The following PGLYRP3 variants were observed in gnomAD, a reference collection of about 807,000 sequenced individuals.
PGLYRP3 encodes the protein peptidoglycan recognition protein I alpha.
In PGLYRP3, 39 loss-of-function variants were observed where a neutral mutation model predicts 36.0. The ratio of observed to expected loss-of-function variants is 1.08; its 90% CI spans 0.84 to 1.41. PGLYRP3 has a LOEUF of 1.41. Ranked by LOEUF, PGLYRP3 falls within the 40% of genes most tolerant of loss-of-function variation. The pLI is 0.00. For missense variants in PGLYRP3, 407 were observed against 427.9 expected, an observed-to-expected ratio of 0.95 and a Z score of 0.43; for synonymous variants, 204 against 172.8, an observed-to-expected ratio of 1.18 and a Z score of -1.42.
intron 1 of PGLYRP3, among the ~76,000 whole-genome samples, chr1:153,311,140 C>T (rs1659888485): frequency 6.6e-6 from 1 of 152,026 alleles, no homozygotes. Flanking sequence ...CAAGCAGAAG[C>T]AGGCTTGGCT....
rs35460167 is a variant in PGLYRP3, at chr1:153,299,162, A to G, written c.798T>C (p.Tyr266=). The change falls in exon 7 of 8, where the codon TAT becomes TAC. Residue 266 remains tyrosine (Y), a synonymous_variant. Coordinates refer to ENST00000683862, the MANE Select transcript of PGLYRP3 (RefSeq NM_052891.3). ...VGWHIQGSHT[Y]GFNDIALGIA... is the part of the protein sequence containing the mutation. ...TTCCTAGGGCAATATCGTTGAATCC[A>G]TAAGTGTGAGAGCCTTGGATGTGCC... The G allele has an allele frequency of 2.1e-3, 3,370 of 1,614,166 alleles. 57 individuals are homozygous for G. In the African/African-American group the frequency reaches 0.035, roughly 17 times the overall value.
intron 3 of PGLYRP3, among the ~76,000 whole-genome samples, chr1:153,306,750 A>C (rs1273013926): frequency 6.6e-6 from 1 of 152,158 alleles, no homozygotes; most frequent in Non-Finnish European, 1.5e-5. Flanking sequence ...AAATCGGGTG[A>C]TATTTGTGAA....
intron 6 of PGLYRP3, 113 bp from the exon 7 acceptor site, chr1:153,299,344 T>C: frequency 1.2e-6 from 1 of 810,302 alleles, no homozygotes; most frequent in Non-Finnish European, 2.0e-6. Flanking sequence ...CAATATTGAC[T>C]GGAGATCTCT....
chr1:153,308,187 G>C (rs1302983162), intron 2 of PGLYRP3, among the ~76,000 whole-genome samples: 1 of 152,028 alleles, frequency 6.6e-6, no homozygotes, highest in Non-Finnish European at 1.5e-5. Context: ...GTAGAGACAG[G>C]GTTTCACCGT....
rs762355223 is a variant in PGLYRP3 at position 153,303,872 on chromosome 1, C to T, written c.514G>A (p.Val172Met). ...EETCLDPQHP[V>M]MPRKVCPNII... The stretch of plus-strand genomic sequence containing the variant: ...AGGGTCTTACCCTTCCTGGGCATCA[C>T]TGGATGTTGAGGGTCCAGGCAGGTC... The change falls in exon 5 of 8, where the codon GTG becomes ATG. Residue 172 changes from valine to methionine, a missense_variant. Physicochemically the swap from Val to Met is conservative, Grantham distance 21 (BLOSUM62 1). Transcript: ENST00000683862. 5 of 1,613,064 alleles carry T rather than the reference C, an allele frequency of 3.1e-6. No homozygotes were observed. The highest frequency in any genetic ancestry group is 3.3e-5 in the Admixed American group (2 of 59,996).
intron 2 of PGLYRP3, among the ~76,000 whole-genome samples, chr1:153,310,173 T>A (rs1425049264): frequency 6.6e-6 from 1 of 152,256 alleles, no homozygotes; most frequent in African/African-American, 2.4e-5. Flanking sequence ...GCATTGCTAC[T>A]CTTGGGGAAT....
At position 153,303,925 on chromosome 1, in the gene PGLYRP3, T is replaced by C. The variant is rs1361398084; in HGVS notation, c.461A>G (p.Tyr154Cys). Residue 154 changes from tyrosine (Y) to cysteine (C), a missense_variant, in exon 5 of 8, where the codon TAT (tyrosine) becomes TGT (cysteine). By Grantham distance (194) the Tyr-to-Cys change is radical. Transcript: ENST00000683862. ...AIQKGHLSPR[Y>C]IQPLLLKEET... ...TTCTTTCAGAAGAAGTGGCTGAATATACCTGGGCGACAGGTGACCCTTCTG... is the reference window on the plus strand; with the variant it reads ...TTCTTTCAGAAGAAGTGGCTGAATACACCTGGGCGACAGGTGACCCTTCTG... The C allele has an allele frequency of 1.4e-5, 23 of 1,613,962 alleles. No individual in the cohort carries two copies. The highest frequency in any genetic ancestry group is 2.7e-5 in the African/African-American group (2 of 74,908).
rs938190226 is a variant in PGLYRP3 at position 153,312,713 on chromosome 1, T to A, written c.-112A>T. Among the ~76,000 whole-genome samples, 1 of 152,034 alleles carries A rather than the reference T, an allele frequency of 6.6e-6. No homozygotes were observed. The highest frequency in any genetic ancestry group is 2.4e-5 in the African/African-American group (1 of 41,402). ...GGCTCGCCCCTGATTGGCCAGCAGC[T>A]CCTTCCCTTCCAGACTTGGCCTCCA... On this transcript the variant is annotated 5_prime_UTR_variant, in exon 1 of 8. Transcript: ENST00000683862.
At chr1:153,309,844 T>C (rs542393381) in intron 2 of PGLYRP3, among the ~76,000 whole-genome samples, 301 of 152,342 alleles carry the variant, frequency 2.0e-3, no homozygotes, top group African/African-American at 6.6e-3. Flanking sequence ...CTCCCTGCTT[T>C]GCTTGGGCAA....
chr1:153,305,141 G>A, intron 3 of PGLYRP3, 76 bp from the exon 4 acceptor site: 1 of 1,261,862 alleles, frequency 7.9e-7, no homozygotes, highest in Non-Finnish European at 1.1e-6. Flanking sequence ...AAAAGGAAAA[G>A]GGGTTCTGGA....
rs1659869381 is a variant in PGLYRP3, at chr1:153,310,574, A to G, written c.55+37T>C. The G allele has an allele frequency of 3.1e-6, 5 of 1,606,952 alleles. No homozygotes were observed. In the East Asian group the frequency reaches 1.1e-4, roughly 36 times the overall value. ...ACTTGAGAACGGTCTTCTCTTGCTC[A>G]TCAAAAGCACTTCTGATGCAAGTAA... On this transcript the variant is annotated intron_variant, in intron 2 of 7. Transcript: ENST00000683862.
chr1:153,297,534 G>GAAAGAAAAAGAAA lies in PGLYRP3; in HGVS notation c.*421_*422insTTTCTTTTTCTTT, dbSNP rs1557805235. ...AGGAAGGAAGGAAGGAAGGAAGGAA[G>GAAAGAAAAAGAAA]GAAGGAAGGAAGGAAGGAAAGAAAG... On this transcript the variant is annotated 3_prime_UTR_variant, in exon 8 of 8. Transcript: ENST00000683862. Among the ~76,000 whole-genome samples the GAAAGAAAAAGAAA allele has an allele frequency of 1.2e-5, 1 of 84,930 alleles. No homozygotes were observed. Among genetic ancestry groups the GAAAGAAAAAGAAA allele is most frequent in the African/African-American group, 5.0e-5 (1 of 20,048 alleles). The allele number at this position is 84,930 out of a possible 152,430, so 55.7% of individuals were successfully genotyped here.
chr1:153,311,207 C>A (rs1033114372), intron 1 of PGLYRP3, among the ~76,000 whole-genome samples: 2 of 152,124 alleles, frequency 1.3e-5, no homozygotes, highest in African/African-American at 4.8e-5. Context: ...ATTCAGTCAT[C>A]TACTCTGCAA....
intron 1 of PGLYRP3, among the ~76,000 whole-genome samples, chr1:153,311,686 A>G (rs534826253): frequency 1.2e-4 from 19 of 152,126 alleles, no homozygotes; most frequent in African/African-American, 2.2e-4. Context: ...TTTCCCCCCA[A>G]TTTTCCTACT....
chr1:153,302,346 C>A, intron 6 of PGLYRP3, 63 bp downstream of exon 6: 1 of 1,563,134 alleles, frequency 6.4e-7, no homozygotes, highest in Non-Finnish European at 8.8e-7. Context: ...AGTTCCCTCC[C>A]ACAGCCTTCC....
chr1:153,302,112 G>C (rs894107805), intron 6 of PGLYRP3, among the ~76,000 whole-genome samples: 1 of 152,198 alleles, frequency 6.6e-6, no homozygotes, highest in Non-Finnish European at 1.5e-5. Context: ...CATTAAAAAG[G>C]TACAACCCTT....
At chr1:153,306,339 C>T (rs890320728) in intron 3 of PGLYRP3, among the ~76,000 whole-genome samples, 8 of 152,226 alleles carry the variant, frequency 5.3e-5, no homozygotes, top group African/African-American at 1.9e-4. Context: ...CATGTGTCTC[C>T]TCATTCTTGA....
intron 6 of PGLYRP3, among the ~76,000 whole-genome samples, chr1:153,299,969 T>C (rs1317357463): frequency 6.6e-6 from 1 of 152,210 alleles, no homozygotes; most frequent in East Asian, 1.9e-4. Context: ...GCCCAGAGTT[T>C]TGCCTCCTTC....
intron 2 of PGLYRP3, among the ~76,000 whole-genome samples, chr1:153,309,499 T>G (rs535601179): frequency 2.9e-4 from 44 of 152,346 alleles, no homozygotes; most frequent in African/African-American, 1.1e-3. Flanking sequence ...CAATGTGACC[T>G]GTTTCTCTTC....
Sources: allele counts gnomAD v4.1 joint callset (sites outside exome capture counted in the v4.1 genomes callset), GRCh38; gene constraint gnomAD v4.1.1; transcripts MANE v1.5; gene names NCBI Gene and HGNC (gene_info 2026-07-23, HGNC 2026-07-21).